TRIO: variants seen among roughly 807,000 people sequenced by gnomAD.
TRIO encodes the protein trio Rho guanine nucleotide exchange factor, also known as triple functional domain protein.
Under a neutral mutation model 351.9 loss-of-function variants are expected in TRIO, and 58 were observed. The ratio of observed to expected loss-of-function variants is 0.16; its 90% CI spans 0.13 to 0.21. The LOEUF (loss-of-function observed/expected upper bound fraction) is 0.21, where lower values mean the gene tolerates loss of function less well. Ranked by LOEUF, TRIO falls within the 10% of genes least tolerant of loss-of-function variation. The pLI, the probability that TRIO is intolerant of heterozygous loss-of-function variation, is 1.00. For synonymous variants in TRIO, 1,758 were observed against 1,595.7 expected (o/e 1.10, Z -2.42); for missense variants, 3,201 against 4,027.8 (o/e 0.79, Z 5.56).
Position 14,297,161 on chromosome 5 carries a change from C to G in TRIO, c.1266C>G (p.Ile422Met), listed in dbSNP as rs758317514. 1.9e-6 allele frequency: 3 copies of G among 1,614,220 alleles called. No individual in the cohort carries two copies. Among genetic ancestry groups the G allele is most frequent in the Admixed American group, 1.7e-5 (1 of 60,028 alleles). ...GHYASQQIRQIASQLEQEWKA... is the reference protein window; with the variant it reads ...GHYASQQIRQMASQLEQEWKA... Reference sequence around the variant, plus strand: ...ATGCCTCGCAGCAGATCAGGCAGATCGCGAGTCAGCTGGAGCAGGAGTGGA... The same window carrying G: ...ATGCCTCGCAGCAGATCAGGCAGATGGCGAGTCAGCTGGAGCAGGAGTGGA... Residue 422 changes from isoleucine to methionine, a missense_variant, in exon 7 of 57, where the codon ATC (isoleucine) becomes ATG (methionine). Physicochemically the swap from Ile to Met is conservative, Grantham distance 10. Around this residue, in one of 19 missense-constraint regions of TRIO, gnomAD observed 349 missense variants for 449.3 expected, o/e 0.78. Transcript: ENST00000344204.
intron 35 of TRIO, 31 bp downstream of exon 35, chr5:14,461,342 G>T: frequency 2.0e-6 from 3 of 1,496,454 alleles, no homozygotes; most frequent in African/African-American, 1.4e-5. Flanking sequence ...TGGGGCCGGC[G>T]TGGCGGGGCC....
chr5:14,327,163 TTTTG>T (rs746031170), intron 9 of TRIO, among the ~76,000 whole-genome samples: 33 of 152,330 alleles, frequency 2.2e-4, no homozygotes, highest in Non-Finnish European at 4.3e-4. Flanking sequence ...TTTATTTTTA[TTTTG>T]TTGTTGTTGT....
intron 11 of TRIO, among the ~76,000 whole-genome samples, chr5:14,341,293 A>T (rs1163431459): frequency 6.6e-6 from 1 of 152,136 alleles, no homozygotes. Flanking sequence ...CTTTTCACTC[A>T]TTCATTCCAA....
chr5:14,157,656 C>T (rs1469028166), intron 1 of TRIO, among the ~76,000 whole-genome samples: 2 of 151,978 alleles, frequency 1.3e-5, no homozygotes, highest in Non-Finnish European at 2.9e-5. Flanking sequence ...AGTATGATCT[C>T]GGCTCACTGC....
chr5:14,406,234 C>T (rs188331255), intron 32 of TRIO: 19 of 604,384 alleles, frequency 3.1e-5, no homozygotes, highest in Non-Finnish European at 4.5e-5. Context: ...TTTCTCACCC[C>T]GAGCACCATA....
chr5:14,368,637 G>T, intron 16 of TRIO, 71 bp from the exon 17 acceptor site: 3 of 1,498,564 alleles, frequency 2.0e-6, no homozygotes, highest in Non-Finnish European at 2.7e-6. Flanking sequence ...AGTAACTGTA[G>T]CCATCCTGGT....
chr5:14,425,965 T>A (rs1026393388), intron 34 of TRIO, among the ~76,000 whole-genome samples: 4 of 152,242 alleles, frequency 2.6e-5, no homozygotes, highest in African/African-American at 9.6e-5. Flanking sequence ...GTAGTTCTAC[T>A]TTTAATTTTT....
intron 14 of TRIO, 118 bp from the exon 15 acceptor site, chr5:14,364,532 T>C (rs1346975613): frequency 1.5e-6 from 2 of 1,293,824 alleles, no homozygotes; most frequent in Non-Finnish European, 2.1e-6. Flanking sequence ...TTCAGCATAA[T>C]GGCTTGGCCC....
At chr5:14,462,733 G>A (rs150541269) in intron 35 of TRIO, 22 bp from the exon 36 acceptor site, 3 of 1,613,682 alleles carry the variant, frequency 1.9e-6, no homozygotes, top group Admixed American at 1.7e-5. Flanking sequence ...AATATAATGA[G>A]CAAATCTTGA....
chr5:14,471,971 C>G (rs1579755495), intron 38 of TRIO, among the ~76,000 whole-genome samples: 1 of 151,594 alleles, frequency 6.6e-6, no homozygotes, highest in Admixed American at 6.6e-5. Flanking sequence ...TTTTATTCAG[C>G]ACTGTATCCC....
intron 15 of TRIO, among the ~76,000 whole-genome samples, chr5:14,365,098 A>G (rs1188525240): frequency 6.6e-6 from 1 of 152,150 alleles, no homozygotes; most frequent in Non-Finnish European, 1.5e-5. Flanking sequence ...TTCAGTATTG[A>G]TAGTCTGTCT....
chr5:14,409,913 G>A (rs1281519545), intron 33 of TRIO, among the ~76,000 whole-genome samples: 5 of 151,898 alleles, frequency 3.3e-5, no homozygotes. Context: ...CCCGCTCCTG[G>A]GAGGCTCTTT....
chr5:14,255,530 A>T (rs1310334327), intron 1 of TRIO, among the ~76,000 whole-genome samples: 3 of 152,218 alleles, frequency 2.0e-5, no homozygotes, highest in Non-Finnish European at 4.4e-5. Context: ...TCACGGGAGA[A>T]CGCAAGTACA....
rs541521574 is a variant in TRIO at position 14,185,857 on chromosome 5, G to A, written c.157+41975G>A. 1.1e-4 allele frequency among the ~76,000 whole-genome samples: 16 copies of A among 152,278 alleles called. 1 individual carries two copies. The highest frequency in any genetic ancestry group is 3.6e-4 in the African/African-American group (15 of 41,560). ...TAGTTATGGGTGGTGGACATGGGGT[G>A]GGGTGAGGAGTGTGGAGTTTTTCAT... is the stretch of plus-strand genomic sequence containing the variant. On this transcript the variant is annotated intron_variant, in intron 1 of 56. Transcript: ENST00000344204.
intron 1 of TRIO, among the ~76,000 whole-genome samples, chr5:14,157,574 T>G (rs60251612): frequency 0.054 from 8,058 of 150,478 alleles, 730 homozygotes; most frequent in African/African-American, 0.19. Context: ...TCTCTCTCTC[T>G]CTCTCCCTGT....
chr5:14,323,291 C>A (rs1298708424), intron 9 of TRIO, among the ~76,000 whole-genome samples: 1 of 152,050 alleles, frequency 6.6e-6, no homozygotes, highest in African/African-American at 2.4e-5. Context: ...TAAAAGCAAG[C>A]CTTGGAAAAG....
chr5:14,316,760 G>T lies in TRIO; in HGVS notation c.1731+17G>T. 1 of 1,605,534 alleles carries T rather than the reference G, an allele frequency of 6.2e-7. No homozygotes were observed. The highest frequency in any genetic ancestry group is 8.5e-7 in the Non-Finnish European group (1 of 1,175,276). On this transcript the variant is annotated intron_variant, in intron 9 of 56. Transcript: ENST00000344204. ...GTTCAGCAGGTCAGTTTCGCCTCATGCCCTTCTGCATGGGAAATGGCTTGT... is the reference window on the plus strand; with the variant it reads ...GTTCAGCAGGTCAGTTTCGCCTCATTCCCTTCTGCATGGGAAATGGCTTGT...
At chr5:14,376,249 C>G (rs562742075) in intron 19 of TRIO, among the ~76,000 whole-genome samples, 18 of 152,168 alleles carry the variant, frequency 1.2e-4, no homozygotes, top group African/African-American at 3.9e-4. Context: ...TACCGGGAAC[C>G]CTTTATTTGA....
At chr5:14,308,758 CA>C (rs1738628518) in intron 8 of TRIO, among the ~76,000 whole-genome samples, 4 of 122,790 alleles carry the variant, frequency 3.3e-5, no homozygotes, top group Non-Finnish European at 4.9e-5. Context: ...TCCATCCATC[CA>C]ATTACCCATC....
Sources: gnomAD v4.1 joint callset for allele counts (sites outside exome capture counted in the v4.1 genomes callset) on GRCh38, gnomAD v4.1.1 for gene constraint, gnomAD v4.1.1 regional missense constraint, MANE v1.5 for transcripts, NCBI Gene and HGNC (gene_info 2026-07-23, HGNC 2026-07-21) for gene names.